The following WDR47 variants were observed in gnomAD, a reference collection of about 807,000 sequenced individuals.
The protein encoded by WDR47 is WD repeat domain 47.
In WDR47, 32 loss-of-function variants were observed where a neutral mutation model predicts 97.2. The observed-to-expected ratio is 0.33, with a 90% CI of 0.25 to 0.44. WDR47 has a LOEUF of 0.44. Among genes scored for constraint, WDR47 ranks in the 20% least tolerant of loss-of-function variants. The pLI is 1.00. For synonymous variants in WDR47, 375 were observed against 373.5 expected (o/e 1.00, Z -0.05); for missense variants, 782 against 1,102.3 (o/e 0.71, Z 4.11).
chr1:108,975,285 A>AATTATT (rs1326510400), intron 13 of WDR47, among the ~76,000 whole-genome samples: 1 of 151,812 alleles, frequency 6.6e-6, no homozygotes, highest in Non-Finnish European at 1.5e-5. Flanking sequence ...AATAAAATAA[A>AATTATT]TAATTTTATT....
rs1297432025 is a variant in WDR47, at chr1:108,992,829, G to A, written c.1692-1500C>T. ...CTGAAGAAACAAAAACTTATGGCACGGGAGTAAATTCAGCATTAAAATAAA... is the reference window on the plus strand; with the variant it reads ...CTGAAGAAACAAAAACTTATGGCACAGGAGTAAATTCAGCATTAAAATAAA... On this transcript the variant is annotated intron_variant, in intron 8 of 14. Coordinates refer to ENST00000369962, the MANE Select transcript of WDR47 (RefSeq NM_001142551.2). The A allele has an allele frequency of 2.3e-5, 35 of 1,525,834 alleles. No individual in the cohort carries two copies. In the East Asian group the frequency reaches 4.7e-4, roughly 21 times the overall value. The allele number at this position is 1,525,834 out of a possible 1,614,324, so 94.5% of individuals were successfully genotyped here.
intron 8 of WDR47, 86 bp downstream of exon 8, chr1:108,995,494 A>C: frequency 2.0e-6 from 3 of 1,505,566 alleles, no homozygotes; most frequent in Non-Finnish European, 2.7e-6. Context: ...AAAAACTTTT[A>C]TTTATAAGGC....
intron 7 of WDR47, among the ~76,000 whole-genome samples, chr1:108,999,135 G>A (rs993919949): frequency 1.3e-5 from 2 of 151,800 alleles, no homozygotes; most frequent in Non-Finnish European, 2.9e-5. Flanking sequence ...GCTGAGGCAG[G>A]AGAATCACTT....
intron 5 of WDR47, among the ~76,000 whole-genome samples, chr1:109,008,631 G>A (rs1048560364): frequency 6.6e-6 from 1 of 151,368 alleles, no homozygotes; most frequent in African/African-American, 2.4e-5. Flanking sequence ...TTTTTGAGAC[G>A]GAATCTCACT....
intron 5 of WDR47, among the ~76,000 whole-genome samples, chr1:109,010,609 G>A (rs376118125): frequency 8.2e-4 from 111 of 134,668 alleles, no homozygotes; most frequent in African/African-American, 3.0e-3. Context: ...TTGAGTCGGA[G>A]TCTCACTCTG....
At chr1:108,989,447 T>G (rs1659141322) in intron 9 of WDR47, among the ~76,000 whole-genome samples, 1 of 152,266 alleles carries the variant, frequency 6.6e-6, no homozygotes, top group African/African-American at 2.4e-5. Context: ...ACGCTATGTA[T>G]GTCCTATGTA....
intron 6 of WDR47, among the ~76,000 whole-genome samples, chr1:109,004,108 C>CA (rs1264279352): frequency 1.3e-5 from 2 of 151,662 alleles, no homozygotes; most frequent in Admixed American, 6.6e-5. Context: ...ACTAAAAATA[C>CA]AAAAAAATCA....
chr1:109,018,965 A>C (rs1243821256), intron 2 of WDR47, among the ~76,000 whole-genome samples: 7 of 152,120 alleles, frequency 4.6e-5, no homozygotes, highest in Non-Finnish European at 1.0e-4. Flanking sequence ...GCTATTCAGA[A>C]GGCTGAGGTG....
At chr1:109,004,568 A>G in intron 6 of WDR47, 24 bp downstream of exon 6, 1 of 1,594,252 alleles carries the variant, frequency 6.3e-7, no homozygotes, top group Non-Finnish European at 8.5e-7. Flanking sequence ...AACTCTGAAA[A>G]ACACTAGGTT....
chr1:109,037,614 G>C (rs1174846715), intron 1 of WDR47, among the ~76,000 whole-genome samples: 1 of 132,360 alleles, frequency 7.6e-6, no homozygotes, highest in Non-Finnish European at 1.5e-5. Context: ...GGGACAGAGC[G>C]AGACCTCGTC....
At chr1:108,983,508 T>C (rs1034725342) in intron 10 of WDR47, 57 bp from the exon 11 acceptor site, 1 of 1,427,850 alleles carries the variant, frequency 7.0e-7, no homozygotes, top group Non-Finnish European at 9.3e-7. Flanking sequence ...CAATCAGTTA[T>C]GAGGTTCCAT....
rs1011502451 is a variant in WDR47, at chr1:108,970,503, C to A, written c.*927G>T. ...CACAAAACAGTGCAAGAAAAAAATC[C>A]AAATAAGCTTTTGGAGTGCAAAGTT... is the stretch of plus-strand genomic sequence containing the variant. On this transcript the variant is annotated 3_prime_UTR_variant, in exon 15 of 15. Coordinates refer to ENST00000369962, the MANE Select transcript of WDR47 (RefSeq NM_001142551.2). 6 of 152,344 alleles carry A rather than the reference C, an allele frequency of 3.9e-5. No homozygotes were observed. The South Asian group carries it at 6.2e-4, about 16-fold the overall frequency. The allele number at this position is 152,344 out of a possible 1,614,324, so 9.4% of individuals were successfully genotyped here.
intron 5 of WDR47, among the ~76,000 whole-genome samples, chr1:109,007,784 T>G (rs1327147200): frequency 1.3e-5 from 2 of 152,178 alleles, no homozygotes; most frequent in Non-Finnish European, 2.9e-5. Context: ...GGCAAAGCTA[T>G]TGTTCAGACC....
intron 13 of WDR47, among the ~76,000 whole-genome samples, chr1:108,981,165 G>T (rs1476386095): frequency 6.6e-6 from 1 of 151,422 alleles, no homozygotes; most frequent in Non-Finnish European, 1.5e-5. Context: ...ACAATGCAAA[G>T]AACAGTACAT....
In WDR47 at chr1:108,983,418, A is replaced by G; in HGVS notation, c.1959T>C (p.Arg653=). The part of the protein sequence containing the change: ...AHETPKQPVV[R]FKRNKHHKGS... ...CTTTATGATGTTTATTCCTTTTAAAACGTACCACCGGCTGCTTAGGAGTCT... is the reference window on the plus strand; with the variant it reads ...CTTTATGATGTTTATTCCTTTTAAAGCGTACCACCGGCTGCTTAGGAGTCT... Residue 653 remains arginine (R), a synonymous_variant, in exon 11 of 15, where the codon CGT becomes CGC. Coordinates refer to ENST00000369962, the MANE Select transcript of WDR47 (RefSeq NM_001142551.2). The G allele has an allele frequency of 3.1e-6, 5 of 1,604,884 alleles. No homozygotes were observed. The highest frequency in any genetic ancestry group is 3.4e-6 in the Non-Finnish European group (4 of 1,175,612).
intron 5 of WDR47, among the ~76,000 whole-genome samples, chr1:109,010,670 C>T (rs190496434): frequency 9.9e-5 from 15 of 151,710 alleles, no homozygotes; most frequent in African/African-American, 3.6e-4. Context: ...GCAAGCTCCC[C>T]CTCCCGGGTT....
chr1:109,019,023 A>G (rs1661626509), intron 2 of WDR47, among the ~76,000 whole-genome samples: 1 of 151,818 alleles, frequency 6.6e-6, no homozygotes, highest in Non-Finnish European at 1.5e-5. Context: ...GACCATGATC[A>G]TGCCACTCCA....
intron 9 of WDR47, among the ~76,000 whole-genome samples, chr1:108,988,995 T>TG (rs1659096119): frequency 6.6e-6 from 1 of 152,130 alleles, no homozygotes; most frequent in African/African-American, 2.4e-5. Context: ...TGAGCTCAAG[T>TG]GATCTGCCAC....
At chr1:109,005,080 C>A (rs1660495254) in intron 5 of WDR47, among the ~76,000 whole-genome samples, 2 of 152,054 alleles carry the variant, frequency 1.3e-5, no homozygotes, top group African/African-American at 4.8e-5. Context: ...GCATGAGCCA[C>A]CACGCTCAGC....
Sources: allele counts gnomAD v4.1 joint callset (sites outside exome capture counted in the v4.1 genomes callset), GRCh38; gene constraint gnomAD v4.1.1; transcripts MANE v1.5; gene names NCBI Gene and HGNC (gene_info 2026-07-23, HGNC 2026-07-21).